The following H6PD variants were observed in gnomAD, a reference collection of about 807,000 sequenced individuals.
H6PD encodes the protein hexose-6-phosphate dehydrogenase/glucose 1-dehydrogenase, also known as GDH/6PGL endoplasmic bifunctional protein.
Under a neutral mutation model 61.2 loss-of-function variants are expected in H6PD, and 48 were observed. The observed-to-expected ratio is 0.78, with a 90% confidence interval of 0.62 to 1.00. H6PD has a LOEUF of 1.00. Among genes scored for constraint, H6PD ranks in the 50% least tolerant of loss-of-function variants. H6PD has a pLI of 0.00. For synonymous variants in H6PD, 480 were observed against 457.9 expected (o/e 1.05, Z -0.62); for missense variants, 1,093 against 1,065.0 (o/e 1.03, Z -0.37).
intron 1 of H6PD, among the ~76,000 whole-genome samples, chr1:9,243,466 G>C (rs1397109470): frequency 6.6e-6 from 1 of 152,126 alleles, no homozygotes; most frequent in African/African-American, 2.4e-5. Context: ...TGCAGGCTGA[G>C]CCCCATTTCC....
At chr1:9,240,045 G>A in intron 1 of H6PD, 1 of 1,222,532 alleles carries the variant, frequency 8.2e-7, no homozygotes. Flanking sequence ...ATGACTCGTA[G>A]GAGCCTCTCA....
chr1:9,264,987 A>G lies in H6PD; in HGVS notation c.*118A>G. ...CTGGCTCTCCAGAACCTTCTATCCC[A>G]CAGTCAGGCCCCAGAGAGGGCAGGA... is the stretch of plus-strand genomic sequence containing the variant. On this transcript the variant is annotated 3_prime_UTR_variant, in exon 5 of 5. Coordinates refer to ENST00000377403, the MANE Select transcript of H6PD (RefSeq NM_004285.4). 9.2e-7 allele frequency: 1 copy of G among 1,090,320 alleles called. No individual in the cohort carries two copies. The highest frequency in any genetic ancestry group is 2.5e-5 in the East Asian group (1 of 39,506). The allele number at this position is 1,090,320 out of a possible 1,614,324, so 67.5% of individuals were successfully genotyped here. A position where few individuals can be genotyped will look rare whatever the true frequency, so the allele number is the denominator to read the frequency against.
chr1:9,239,891 T>A (rs1640947994), intron 1 of H6PD: 5 of 721,810 alleles, frequency 6.9e-6, no homozygotes, highest in Non-Finnish European at 9.6e-6. Flanking sequence ...CTGGGTCTGC[T>A]GTGCCGGGTC....
In H6PD at chr1:9,269,118, A is replaced by C. The variant is rs1638668600; in HGVS notation, c.*4249A>C. On this transcript the variant is annotated 3_prime_UTR_variant, in exon 5 of 5. Transcript: ENST00000377403. The surrounding 1 kb of genome is among the most constrained non-coding windows in gnomAD (Gnocchi z 4.3). ...GGCACAGGAAAGGCCCGTGGTGACGAGGGTGAGGTGGCCACAGTGACCGGA... is the reference window on the plus strand; with the variant it reads ...GGCACAGGAAAGGCCCGTGGTGACGCGGGTGAGGTGGCCACAGTGACCGGA... The C allele has an allele frequency of 6.6e-6, 1 of 152,136 alleles. No homozygotes were observed. Among genetic ancestry groups the C allele is most frequent in the South Asian group, 2.1e-4 (1 of 4,828 alleles). The allele number at this position is 152,136 out of a possible 1,614,324, so 9.4% of individuals were successfully genotyped here.
At chr1:9,256,364 C>T (rs572686533) in intron 3 of H6PD, among the ~76,000 whole-genome samples, 11 of 152,358 alleles carry the variant, frequency 7.2e-5, no homozygotes, top group Admixed American at 2.6e-4. Context: ...GCTGCACCCT[C>T]TAGCTCCTGG....
rs748393854 is a variant in H6PD, at chr1:9,245,304, A to G, written c.370A>G (p.Ile124Val). The change falls in exon 2 of 5, where the codon ATC (isoleucine) becomes GTC (valine). Residue 124 changes from isoleucine to valine, a missense_variant. Coordinates refer to ENST00000377403, the MANE Select transcript of H6PD (RefSeq NM_004285.4). The surrounding 1 kb of genome is among the most constrained non-coding windows in gnomAD (Gnocchi z 4.8). ...AEDYQALNKD[I>V]EAQLQHAGLR... Reference sequence around the variant, plus strand: ...GGACTATCAGGCCCTGAACAAGGACATCGAGGCACAGCTCCAGCACGCAGG... The same window carrying G: ...GGACTATCAGGCCCTGAACAAGGACGTCGAGGCACAGCTCCAGCACGCAGG... 8 of 1,614,116 alleles carry G rather than the reference A, an allele frequency of 5.0e-6. No homozygotes were observed. The East Asian group carries it at 1.1e-4, about 22-fold the overall frequency.
chr1:9,260,093 G>A (rs1419964843), intron 3 of H6PD, among the ~76,000 whole-genome samples: 11 of 151,494 alleles, frequency 7.3e-5, no homozygotes, highest in Admixed American at 3.9e-4. Context: ...CTGTTGTTAC[G>A]CCGGTGTCGT....
At chr1:9,258,186 T>TA (rs1422176448) in intron 3 of H6PD, among the ~76,000 whole-genome samples, 3 of 152,256 alleles carry the variant, frequency 2.0e-5, no homozygotes, top group Non-Finnish European at 4.4e-5. Context: ...TTGCTATTGT[T>TA]ACACCGGTGT....
intron 1 of H6PD, among the ~76,000 whole-genome samples, chr1:9,236,689 G>T (rs889443092): frequency 1.4e-5 from 2 of 140,382 alleles, no homozygotes; most frequent in Admixed American, 7.1e-5. Context: ...AAAAAAAAAA[G>T]CAGCTAGGAT....
At position 9,270,792 on chromosome 1, in the gene H6PD, T is replaced by G. The variant is rs1407053655; in HGVS notation, c.*5923T>G. 6.6e-6 allele frequency: 1 copy of G among 152,266 alleles called. No individual in the cohort carries two copies. Among genetic ancestry groups the G allele is most frequent in the African/African-American group, 2.4e-5 (1 of 41,446 alleles). The allele number at this position is 152,266 out of a possible 1,614,324, so 9.4% of individuals were successfully genotyped here. A position where few individuals can be genotyped will look rare whatever the true frequency, so the allele number is the denominator to read the frequency against. ...GGTGAGGAGCAGAGAGACTGTTCCCTTGGGTGGAGAGGTGTGGGCATGAGA... is the reference window on the plus strand; with the variant it reads ...GGTGAGGAGCAGAGAGACTGTTCCCGTGGGTGGAGAGGTGTGGGCATGAGA... On this transcript the variant is annotated 3_prime_UTR_variant, in exon 5 of 5. Coordinates refer to ENST00000377403, the MANE Select transcript of H6PD (RefSeq NM_004285.4).
chr1:9,242,728 C>T (rs1014264783), intron 1 of H6PD: 2 of 985,486 alleles, frequency 2.0e-6, no homozygotes, highest in Admixed American at 6.1e-5. Context: ...TTGTACCAGG[C>T]ACGTCCAGAG....
chr1:9,243,569 G>A (rs562958436), intron 1 of H6PD, among the ~76,000 whole-genome samples: 80 of 152,242 alleles, frequency 5.3e-4, no homozygotes, highest in African/African-American at 1.9e-3. Flanking sequence ...ACTGGCCTTG[G>A]TTGGAAGCTA....
At position 9,248,139 on chromosome 1, in the gene H6PD, G is replaced by A. The variant is rs367985104; in HGVS notation, c.745+1056G>A. Among the ~76,000 whole-genome samples the A allele has an allele frequency of 7.2e-5, 11 of 152,178 alleles. No individual in the cohort carries two copies. The East Asian group carries it at 1.2e-3, about 16-fold the overall frequency. ...CAGTGGCCAGCTCATCCCCGCGGCCGCTTTCTGCAGCTGCAGCGGGAGCAC... is the reference window on the plus strand; with the variant it reads ...CAGTGGCCAGCTCATCCCCGCGGCCACTTTCTGCAGCTGCAGCGGGAGCAC... On this transcript the variant is annotated intron_variant, in intron 3 of 4. Coordinates refer to ENST00000377403, the MANE Select transcript of H6PD (RefSeq NM_004285.4).
intron 3 of H6PD, among the ~76,000 whole-genome samples, chr1:9,257,144 C>CTT (rs113443067): frequency 2.3e-4 from 34 of 145,714 alleles, no homozygotes; most frequent in African/African-American, 7.8e-4. Context: ...CTTTTTCTTT[C>CTT]TTTTTTTTTT....
chr1:9,254,095 C>T lies in H6PD; in HGVS notation c.745+7012C>T, dbSNP rs1641446369. 6.6e-6 allele frequency among the ~76,000 whole-genome samples: 1 copy of T among 152,194 alleles called. No homozygotes were observed. Among genetic ancestry groups the T allele is most frequent in the African/African-American group, 2.4e-5 (1 of 41,450 alleles). The stretch of plus-strand genomic sequence containing the variant: ...GGCAGGCTGGGCACGGGGGCTTATA[C>T]CTGTAATCCCAGCACTTTGGGAGGC... On this transcript the variant is annotated intron_variant, in intron 3 of 4. Transcript: ENST00000377403. This position sits in a 1 kb window ranked among gnomAD's most constrained non-coding sequence, Gnocchi z 4.6.
chr1:9,270,240 C>G lies in H6PD; in HGVS notation c.*5371C>G, dbSNP rs1405295820. The G allele has an allele frequency of 6.6e-6, 1 of 152,646 alleles. No individual in the cohort carries two copies. Among genetic ancestry groups the G allele is most frequent in the Non-Finnish European group, 1.5e-5 (1 of 68,052 alleles). 9.5% of individuals were successfully genotyped at this position (152,646 alleles called of 1,614,324 possible). A position where few individuals can be genotyped will look rare whatever the true frequency, so the allele number is the denominator to read the frequency against. On this transcript the variant is annotated 3_prime_UTR_variant, in exon 5 of 5. Coordinates refer to ENST00000377403, the MANE Select transcript of H6PD (RefSeq NM_004285.4). Reference sequence around the variant, plus strand: ...CAGGTGCTTTAAAGGCAGTCTGCATCTTTTCTTCCCTTGGTGTGGGAGAGG... The same window carrying G: ...CAGGTGCTTTAAAGGCAGTCTGCATGTTTTCTTCCCTTGGTGTGGGAGAGG...
chr1:9,262,416 A>G lies in H6PD; in HGVS notation c.1015+88A>G, dbSNP rs920258046. 6.6e-6 allele frequency: 8 copies of G among 1,218,770 alleles called. No individual in the cohort carries two copies. The African/African-American group carries it at 1.0e-4, about 16-fold the overall frequency. 75.5% of individuals were successfully genotyped at this position (1,218,770 alleles called of 1,614,324 possible). A position where few individuals can be genotyped will look rare whatever the true frequency, so the allele number is the denominator to read the frequency against. ...ATGCAGACGCCCTTGGGTGGAGTGG[A>G]GGGGACTTGAGGTGGGATTTCCCCC... is the stretch of plus-strand genomic sequence containing the variant. On this transcript the variant is annotated intron_variant, in intron 4 of 4. Coordinates refer to ENST00000377403, the MANE Select transcript of H6PD (RefSeq NM_004285.4).
chr1:9,262,480 C>A, intron 4 of H6PD, 152 bp downstream of exon 4: 1 of 773,718 alleles, frequency 1.3e-6, no homozygotes, highest in Non-Finnish European at 2.1e-6. Flanking sequence ...CCCTGTCTCC[C>A]TGGCCTCCTA....
chr1:9,251,069 T>C (rs1348091755), intron 3 of H6PD, among the ~76,000 whole-genome samples: 1 of 151,976 alleles, frequency 6.6e-6, no homozygotes, highest in Non-Finnish European at 1.5e-5. Context: ...CCCCTGAGAG[T>C]CACAGCCCCC....
Sources: allele counts gnomAD v4.1 joint callset (sites outside exome capture counted in the v4.1 genomes callset), GRCh38; gene constraint gnomAD v4.1.1; non-coding constraint Gnocchi (gnomAD v3.1); transcripts MANE v1.5; gene names NCBI Gene and HGNC (gene_info 2026-07-23, HGNC 2026-07-21).